Variants in RALGDS observed in about 807,000 individuals in gnomAD.
The protein encoded by RALGDS is ral guanine nucleotide exchange factor.
A neutral mutation model predicts 99.8 loss-of-function variants in RALGDS; 44 were observed. The ratio of observed to expected loss-of-function variants is 0.44; its 90% CI spans 0.35 to 0.57. The LOEUF is 0.57. Among genes scored for constraint, RALGDS ranks in the 20% least tolerant of loss-of-function variants. The probability of loss-of-function intolerance (pLI) is 0.01; values close to 1 mark genes in which losing one functional copy is unlikely to be tolerated. For missense variants in RALGDS, 1,022 were observed against 1,203.1 expected (o/e 0.85, Z 2.23); for synonymous variants, 529 against 505.0 (o/e 1.05, Z -0.64).
chr9:133,123,651 C>T (rs1832026111), upstream of RALGDS, among the ~76,000 whole-genome samples: 2 of 152,238 alleles, frequency 1.3e-5, no homozygotes, highest in Admixed American at 1.3e-4. Flanking sequence ...TCTGGGAAGC[C>T]TGATCACTGC....
chr9:133,137,879 C>A (rs906869695), intron 1 of RALGDS, among the ~76,000 whole-genome samples: 1 of 152,228 alleles, frequency 6.6e-6, no homozygotes, highest in South Asian at 2.1e-4. Flanking sequence ...CTCCCCAAGG[C>A]ACAGCCGTGG....
chr9:133,124,683 A>G (rs1195428905), upstream of RALGDS, among the ~76,000 whole-genome samples: 1 of 152,238 alleles, frequency 6.6e-6, no homozygotes, highest in Non-Finnish European at 1.5e-5. Flanking sequence ...ATGCCCTCAG[A>G]TCGGGCGGGC....
rs1471036912 is a variant in RALGDS at position 133,098,604 on chromosome 9, C to T, written c.2728G>A (p.Ala910Thr). ...GGATGCCCTCAGAAGATGCCCTTGG[C>T]AATCTTGAGTCCTTTCTGCTTCATG... ...PRMKQKGLKI[A>T]KGIF The change falls in exon 18 of 18, where the codon GCC (alanine) becomes ACC (threonine). Residue 910 changes from alanine (A) to threonine (T), a missense_variant. Transcript: ENST00000372050. 3 of 1,614,026 alleles carry T rather than the reference C, an allele frequency of 1.9e-6. No homozygotes were observed. The highest frequency in any genetic ancestry group is 2.5e-6 in the Non-Finnish European group (3 of 1,180,014).
In RALGDS at chr9:133,102,131, G is replaced by T; in HGVS notation, c.2018C>A (p.Ala673Asp). 2 of 1,566,410 alleles carry T rather than the reference G, an allele frequency of 1.3e-6. No homozygotes were observed. Among genetic ancestry groups the T allele is most frequent in the Non-Finnish European group, 1.7e-6 (2 of 1,154,328 alleles). Residue 673 changes from alanine (A) to aspartate (D), a missense_variant, in exon 15 of 18, where the codon GCC (alanine) becomes GAC (aspartate). Ala to Asp is a moderately radical substitution (Grantham distance 126). Around this residue, in one of 3 missense-constraint regions of RALGDS, gnomAD observed 825 missense variants for 994.5 expected, o/e 0.83. Coordinates refer to ENST00000372050, the MANE Select transcript of RALGDS (RefSeq NM_006266.4). ...AIVKRWSDRQ[A>D]PSTELSTSGS... Reference sequence around the variant, plus strand: ...ACTGGTACTGAGCTCAGTGCTGGGGGCCTGGCGGCTGGGTGAAGAGTTGGC... The same window carrying T: ...ACTGGTACTGAGCTCAGTGCTGGGGTCCTGGCGGCTGGGTGAAGAGTTGGC...
At chr9:133,142,046 C>A (rs888584239) in intron 1 of RALGDS, among the ~76,000 whole-genome samples, 1 of 152,220 alleles carries the variant, frequency 6.6e-6, no homozygotes, top group African/African-American at 2.4e-5. Context: ...TCTGACCTTG[C>A]GTTTTCTGAC....
chr9:133,106,540 C>T, intron 8 of RALGDS, 105 bp downstream of exon 8: 1 of 857,088 alleles, frequency 1.2e-6, no homozygotes, highest in South Asian at 1.4e-5. Flanking sequence ...AGTGAAGGGT[C>T]CCTGCCCTCA....
upstream of RALGDS, among the ~76,000 whole-genome samples, chr9:133,133,538 C>CA (rs1832378364): frequency 6.6e-6 from 1 of 152,248 alleles, no homozygotes; most frequent in African/African-American, 2.4e-5. Context: ...CTGCCATGGA[C>CA]AGCCGAGGCG....
chr9:133,126,634 G>A (rs1336427648), intron 1 of RALGDS, among the ~76,000 whole-genome samples: 3 of 152,302 alleles, frequency 2.0e-5, no homozygotes, highest in Admixed American at 6.5e-5. Context: ...ACCCTGGGGA[G>A]TCACTGCCAC....
chr9:133,103,019 G>A (rs1255190050), intron 12 of RALGDS, 119 bp from the exon 13 acceptor site: 4 of 1,489,348 alleles, frequency 2.7e-6, no homozygotes, highest in Middle Eastern at 2.2e-4. Flanking sequence ...AGGCCTTCCT[G>A]TTCTCAAAGT....
chr9:133,109,655 C>A lies in RALGDS; in HGVS notation c.555G>T (p.Glu185Asp), dbSNP rs1564236986. Residue 185 changes from glutamate to aspartate, a missense_variant, in exon 4 of 18, where the codon GAG becomes GAT. Physicochemically the swap from Glu to Asp is conservative, Grantham distance 45 (BLOSUM62 2). Around this residue, in one of 3 missense-constraint regions of RALGDS, gnomAD observed 825 missense variants for 994.5 expected, o/e 0.83. Coordinates refer to ENST00000372050, the MANE Select transcript of RALGDS (RefSeq NM_006266.4). ...TAAGTTGGTCCTGGGGTCCACCATCCTCGTCGGAATAGGGGAGGATGCAGC... is the reference window on the plus strand; with the variant it reads ...TAAGTTGGTCCTGGGGTCCACCATCATCGTCGGAATAGGGGAGGATGCAGC... ...RYGCILPYSDEDGGPQDQLKN... is the reference protein window; with the variant it reads ...RYGCILPYSDDDGGPQDQLKN... The A allele has an allele frequency of 3.1e-6, 5 of 1,613,954 alleles. No individual in the cohort carries two copies. Among genetic ancestry groups the A allele is most frequent in the Non-Finnish European group, 3.4e-6 (4 of 1,179,974 alleles).
At chr9:133,106,813 C>T (rs1831085082) in intron 7 of RALGDS, 65 bp from the exon 8 acceptor site, 2 of 1,304,146 alleles carry the variant, frequency 1.5e-6, no homozygotes, top group Non-Finnish European at 2.2e-6. Flanking sequence ...GGCCTCAGTC[C>T]CCCTTGGCCA....
intron 1 of RALGDS, among the ~76,000 whole-genome samples, chr9:133,145,457 G>A (rs924549379): frequency 1.4e-5 from 2 of 147,536 alleles, no homozygotes; most frequent in African/African-American, 5.3e-5. Flanking sequence ...TTGCTACTTC[G>A]TCATATTCAG....
At chr9:133,138,007 G>T (rs1046416938) in intron 1 of RALGDS, among the ~76,000 whole-genome samples, 1 of 152,188 alleles carries the variant, frequency 6.6e-6, no homozygotes, top group African/African-American at 2.4e-5. Context: ...TTGTGGTTGG[G>T]AGGCTGCCTG....
upstream of RALGDS, among the ~76,000 whole-genome samples, chr9:133,126,231 C>A (rs975113722): frequency 6.6e-6 from 1 of 151,908 alleles, no homozygotes; most frequent in Non-Finnish European, 1.5e-5. Flanking sequence ...AACCTCCCCC[C>A]GGGACGTGCA....
At chr9:133,100,657 TC>T in intron 16 of RALGDS, 1 of 1,332,088 alleles carries the variant, frequency 7.5e-7, no homozygotes, top group East Asian at 3.2e-5. Flanking sequence ...GACTGTTCCC[TC>T]CTCCCACACT....
chr9:133,135,284 G>A (rs1031876053), upstream of RALGDS, among the ~76,000 whole-genome samples: 1 of 152,204 alleles, frequency 6.6e-6, no homozygotes, highest in Non-Finnish European at 1.5e-5. Flanking sequence ...GCAAAGAGGG[G>A]CTGTGCTTAT....
rs1477551757 is a variant in RALGDS at position 133,104,259 on chromosome 9, T to C, written c.1671+4A>G. 6.2e-7 allele frequency: 1 copy of C among 1,613,058 alleles called. No homozygotes were observed. Among genetic ancestry groups the C allele is most frequent in the South Asian group, 1.1e-5 (1 of 91,068 alleles). On this transcript the variant is annotated splice_donor_region_variant and intron_variant, in intron 10 of 17. Coordinates refer to ENST00000372050, the MANE Select transcript of RALGDS (RefSeq NM_006266.4). Reference sequence around the variant, plus strand: ...TGCCCCTCCGCGGCCTTGGGCACTCTCACCGTCTCCTTCGGCCGTTTCTGG... The same window carrying C: ...TGCCCCTCCGCGGCCTTGGGCACTCCCACCGTCTCCTTCGGCCGTTTCTGG...
rs140573248 is a variant in RALGDS at position 133,108,786 on chromosome 9, T to C, written c.665A>G (p.Lys222Arg). Reference sequence around the variant, plus strand: ...GAGCTGCACGTAGGCCACCAGCTGCTTGAGGCAGGGAAAGTCCGGAGGTTG... The same window carrying C: ...GAGCTGCACGTAGGCCACCAGCTGCCTGAGGCAGGGAAAGTCCGGAGGTTG... ...FCQPPDFPCL[K>R]QLVAYVQLNM... The change falls in exon 5 of 18, where the codon AAG becomes AGG. Residue 222 changes from lysine to arginine, a missense_variant. Coordinates refer to ENST00000372050, the MANE Select transcript of RALGDS (RefSeq NM_006266.4). 9.6e-4 allele frequency: 1,554 copies of C among 1,613,592 alleles called. 5 individuals are homozygous for C. Among genetic ancestry groups the C allele is most frequent in the Non-Finnish European group, 1.0e-3 (1,217 of 1,180,008 alleles).
chr9:133,114,270 T>C (rs978157320), intron 1 of RALGDS, among the ~76,000 whole-genome samples: 5 of 152,206 alleles, frequency 3.3e-5, no homozygotes, highest in African/African-American at 1.2e-4. Context: ...CGCGTGGAGC[T>C]GGCCTGTCTT....
Sources: allele counts gnomAD v4.1 joint callset (sites outside exome capture counted in the v4.1 genomes callset), GRCh38; gene constraint gnomAD v4.1.1; regional missense constraint gnomAD v4.1.1; transcripts MANE v1.5; gene names NCBI Gene and HGNC (gene_info 2026-07-23, HGNC 2026-07-21).